GUCY1A2: variants seen among roughly 807,000 people sequenced by gnomAD.
The protein encoded by GUCY1A2 is guanylate cyclase 1 soluble subunit alpha 2, also known as guanylate cyclase soluble subunit alpha-2.
GUCY1A2 carries 27 observed loss-of-function variants against 63.5 expected under a neutral mutation model. The ratio of observed to expected loss-of-function variants is 0.43; its 90% CI spans 0.31 to 0.59. The LOEUF (loss-of-function observed/expected upper bound fraction) is 0.59. Ranked by LOEUF, GUCY1A2 falls within the 20% of genes least tolerant of loss-of-function variation. The probability of loss-of-function intolerance (pLI) is 0.11; values close to 1 mark genes in which losing one functional copy is unlikely to be tolerated. For synonymous variants in GUCY1A2, 364 were observed against 343.5 expected (o/e 1.06, Z -0.66); for missense variants, 768 against 913.3 (o/e 0.84, Z 2.05).
chr11:106,683,659 G>A lies in GUCY1A2; in HGVS notation c.*3890C>T. On this transcript the variant is annotated 3_prime_UTR_variant, in exon 8 of 8. Transcript: ENST00000526355. ...GCGTGAGGGGGTGAGATGGTTTCTA[G>A]TGACAGAATGGAGTAAGAAAGGGTC... The A allele has an allele frequency of 4.4e-6, 1 of 226,460 alleles. No individual in the cohort carries two copies. The highest frequency in any genetic ancestry group is 8.8e-6 in the Non-Finnish European group (1 of 113,708). The allele number at this position is 226,460 out of a possible 1,614,324, so 14.0% of individuals were successfully genotyped here.
At chr11:106,801,746 A>G (rs1858606689) in intron 5 of GUCY1A2, among the ~76,000 whole-genome samples, 1 of 152,180 alleles carries the variant, frequency 6.6e-6, no homozygotes, top group Non-Finnish European at 1.5e-5. Context: ...CACAAAAAGT[A>G]AATACTTGAG....
At chr11:106,689,851 C>G (rs562388821) in intron 7 of GUCY1A2, among the ~76,000 whole-genome samples, 1 of 151,794 alleles carries the variant, frequency 6.6e-6, no homozygotes, top group Non-Finnish European at 1.5e-5. Context: ...AAAAATTAGC[C>G]GGGCATGTTG....
intron 7 of GUCY1A2, among the ~76,000 whole-genome samples, chr11:106,699,287 A>G (rs1862776028): frequency 6.6e-6 from 1 of 152,208 alleles, no homozygotes; most frequent in African/African-American, 2.4e-5. Flanking sequence ...GGGAAAGGAA[A>G]ATGTAAGGAG....
intron 4 of GUCY1A2, among the ~76,000 whole-genome samples, chr11:106,850,148 C>A (rs1387080169): frequency 2.6e-5 from 4 of 151,664 alleles, no homozygotes; most frequent in Non-Finnish European, 4.4e-5. Flanking sequence ...CCCATGTTTC[C>A]TTCTAAGAGA....
At chr11:106,947,122 CAGG>C (rs1358773848) in intron 3 of GUCY1A2, among the ~76,000 whole-genome samples, 1 of 151,338 alleles carries the variant, frequency 6.6e-6, no homozygotes, top group Non-Finnish European at 1.5e-5. Context: ...GAGGCTGAGG[CAGG>C]AGAATCGCTT....
chr11:106,990,635 G>A (rs751492643), intron 1 of GUCY1A2, among the ~76,000 whole-genome samples: 1 of 152,212 alleles, frequency 6.6e-6, no homozygotes, highest in South Asian at 2.1e-4. Flanking sequence ...AGTTGTCATC[G>A]CACAAAATAC....
At chr11:106,919,475 T>C (rs1860412954) in intron 4 of GUCY1A2, among the ~76,000 whole-genome samples, 1 of 152,120 alleles carries the variant, frequency 6.6e-6, no homozygotes, top group South Asian at 2.1e-4. Context: ...TATCAAATCA[T>C]CACATCATAC....
At chr11:106,709,266 T>TATATAA (rs1555021589) in intron 6 of GUCY1A2, among the ~76,000 whole-genome samples, 131 of 101,374 alleles carry the variant, frequency 1.3e-3, no homozygotes, top group African/African-American at 4.9e-3. Context: ...TATATAAATA[T>TATATAA]ATTTATATAT....
At chr11:106,915,627 T>C (rs1860360583) in intron 4 of GUCY1A2, among the ~76,000 whole-genome samples, 1 of 135,500 alleles carries the variant, frequency 7.4e-6, no homozygotes, top group Non-Finnish European at 1.7e-5. Context: ...ATGGTGATTA[T>C]CTCGCTGTAA....
chr11:106,857,893 G>C (rs1859459202), intron 4 of GUCY1A2, among the ~76,000 whole-genome samples: 1 of 152,052 alleles, frequency 6.6e-6, no homozygotes, highest in Admixed American at 6.6e-5. Flanking sequence ...TTTTATATCA[G>C]GAACTTGAGC....
At chr11:106,723,073 A>G (rs1388896469) in intron 6 of GUCY1A2, among the ~76,000 whole-genome samples, 1 of 152,206 alleles carries the variant, frequency 6.6e-6, no homozygotes, top group Non-Finnish European at 1.5e-5. Context: ...AGTCAACTGC[A>G]TATCTTAAAA....
intron 3 of GUCY1A2, among the ~76,000 whole-genome samples, chr11:106,963,083 G>C (rs977744653): frequency 2.0e-5 from 3 of 152,192 alleles, no homozygotes; most frequent in East Asian, 3.9e-4. Flanking sequence ...ATGCTATATG[G>C]AGATACAGAA....
intron 4 of GUCY1A2, among the ~76,000 whole-genome samples, chr11:106,896,451 T>G (rs910426514): frequency 6.6e-6 from 1 of 152,174 alleles, no homozygotes; most frequent in South Asian, 2.1e-4. Flanking sequence ...TGTACTGAAG[T>G]CCTAGCTAAT....
At chr11:106,708,871 C>T (rs1310691211) in intron 6 of GUCY1A2, among the ~76,000 whole-genome samples, 1 of 151,314 alleles carries the variant, frequency 6.6e-6, no homozygotes, top group Non-Finnish European at 1.5e-5. Flanking sequence ...CTATTGAATA[C>T]ACAAATAAAT....
intron 4 of GUCY1A2, among the ~76,000 whole-genome samples, chr11:106,845,946 A>T (rs935226920): frequency 1.5e-4 from 23 of 151,782 alleles, no homozygotes; most frequent in Non-Finnish European, 2.8e-4. Context: ...AGATAACATT[A>T]CAAAGAATAG....
chr11:106,725,526 C>T (rs1229968854), intron 6 of GUCY1A2, among the ~76,000 whole-genome samples: 3 of 151,944 alleles, frequency 2.0e-5, no homozygotes, highest in Admixed American at 1.3e-4. Flanking sequence ...CTAAAATTAT[C>T]AGAATTATAC....
At chr11:106,997,628 C>T (rs75633616) in intron 1 of GUCY1A2, among the ~76,000 whole-genome samples, 3 of 112,854 alleles carry the variant, frequency 2.7e-5, no homozygotes, top group South Asian at 3.0e-4. Context: ...CCCCCCCCCC[C>T]CACCCGAGCA....
At chr11:106,812,114 T>C (rs1858769623) in intron 4 of GUCY1A2, among the ~76,000 whole-genome samples, 1 of 151,980 alleles carries the variant, frequency 6.6e-6, no homozygotes, top group African/African-American at 2.4e-5. Flanking sequence ...GTTATTAGGA[T>C]CTTAAGGGCA....
intron 6 of GUCY1A2, among the ~76,000 whole-genome samples, chr11:106,753,841 C>CTTTT (rs1238832657): frequency 6.6e-6 from 1 of 152,082 alleles, no homozygotes; most frequent in African/African-American, 2.4e-5. Flanking sequence ...AATGTGGGCT[C>CTTTT]TTTTTTGGTT....
Sources: gnomAD v4.1 joint callset for allele counts (sites outside exome capture counted in the v4.1 genomes callset) on GRCh38, gnomAD v4.1.1 for gene constraint, MANE v1.5 for transcripts, NCBI Gene and HGNC (gene_info 2026-07-23, HGNC 2026-07-21) for gene names.